The following PARG variants were observed in gnomAD, a reference collection of about 807,000 sequenced individuals.
PARG encodes the protein poly(ADP-ribose) glycohydrolase.
PARG carries 35 observed loss-of-function variants against 113.0 expected under a neutral mutation model. The observed-to-expected ratio is 0.31, with a 90% CI of 0.24 to 0.41. The LOEUF is 0.41. Among genes scored for constraint, PARG ranks in the 10% least tolerant of loss-of-function variants. PARG has a pLI of 1.00. For synonymous variants in PARG, 330 were observed against 409.9 expected (o/e 0.81, Z 2.36); for missense variants, 797 against 1,169.4 (o/e 0.68, Z 4.64).
intron 7 of PARG, among the ~76,000 whole-genome samples, chr10:49,892,243 T>C (rs2132692051): frequency 6.6e-6 from 1 of 152,234 alleles, no homozygotes; most frequent in East Asian, 1.9e-4. Context: ...TTTTAAAATG[T>C]CATGTATTTT....
chr10:49,868,212 C>A (rs1338397673), intron 10 of PARG, among the ~76,000 whole-genome samples: 2 of 152,198 alleles, frequency 1.3e-5, no homozygotes, highest in Admixed American at 6.5e-5. Flanking sequence ...TGGTCTGGAA[C>A]TCCTGACCTC....
chr10:49,853,101 T>A lies in PARG; in HGVS notation c.2353+4205A>T, dbSNP rs200469925. Among the ~76,000 whole-genome samples the A allele has an allele frequency of 1.5e-4, 23 of 149,418 alleles. 1 individual carries two copies. In the East Asian group the frequency reaches 4.6e-3, roughly 30 times the overall value. Reference sequence around the variant, plus strand: ...CAGGCTGGAGCACAGTGGTGTGATCTCGGCTCACTGCAAGCTCCGCCTCCT... The same window carrying A: ...CAGGCTGGAGCACAGTGGTGTGATCACGGCTCACTGCAAGCTCCGCCTCCT... On this transcript the variant is annotated intron_variant, in intron 13 of 17. Transcript: ENST00000616448.
chr10:49,839,509 T>C (rs142751936), intron 15 of PARG, among the ~76,000 whole-genome samples: 1 of 152,220 alleles, frequency 6.6e-6, no homozygotes, highest in Non-Finnish European at 1.5e-5. Context: ...ATTAAGACTC[T>C]ATATTCTATA....
intron 4 of PARG, among the ~76,000 whole-genome samples, chr10:49,925,291 A>G (rs1300555788): frequency 1.3e-5 from 2 of 152,182 alleles, no homozygotes; most frequent in East Asian, 1.9e-4. Context: ...CCTGTTACCT[A>G]CAAGCATCAA....
At chr10:49,923,815 G>T (rs564790673) in intron 4 of PARG, among the ~76,000 whole-genome samples, 1 of 152,066 alleles carries the variant, frequency 6.6e-6, no homozygotes, top group African/African-American at 2.4e-5. Flanking sequence ...CACTCAACTG[G>T]TAAGGGAAGA....
intron 7 of PARG, among the ~76,000 whole-genome samples, chr10:49,900,827 C>T (rs182999981): frequency 0.069 from 10,494 of 151,210 alleles, 506 homozygotes; most frequent in African/African-American, 0.12. Context: ...GTAAACACCA[C>T]CAAACCACAT....
At chr10:49,857,000 C>A (rs61846913) in intron 13 of PARG, among the ~76,000 whole-genome samples, 34,715 of 133,850 alleles carry the variant, frequency 0.26, 4,759 homozygotes, top group Non-Finnish European at 0.31. Context: ...CAACAGCAAA[C>A]CTCTGTCTCA....
At chr10:49,869,946 G>A (rs1424289457) in intron 9 of PARG, among the ~76,000 whole-genome samples, 17 of 151,896 alleles carry the variant, frequency 1.1e-4, no homozygotes, top group African/African-American at 3.9e-4. Flanking sequence ...TAACAAAAAC[G>A]GTATCAAAAA....
intron 7 of PARG, among the ~76,000 whole-genome samples, chr10:49,906,773 G>A (rs1848611512): frequency 6.6e-6 from 1 of 152,208 alleles, no homozygotes; most frequent in Admixed American, 6.5e-5. Context: ...AGATGATCCA[G>A]CAAACACAAA....
chr10:49,893,899 A>T (rs567629155), intron 7 of PARG, among the ~76,000 whole-genome samples: 111 of 151,792 alleles, frequency 7.3e-4, no homozygotes, highest in African/African-American at 2.7e-3. Flanking sequence ...GGGGTTTCAC[A>T]GTGTTAGCCA....
intron 4 of PARG, among the ~76,000 whole-genome samples, chr10:49,927,378 GAAAGAAA>G (rs1564664886): frequency 4.7e-4 from 20 of 42,738 alleles, no homozygotes; most frequent in African/African-American, 8.6e-4. Context: ...AGGAAAGAAA[GAAAGAAA>G]GAAAGAAAGA....
chr10:49,894,972 A>G (rs575884833), intron 7 of PARG, among the ~76,000 whole-genome samples: 8 of 152,218 alleles, frequency 5.3e-5, no homozygotes, highest in African/African-American at 1.9e-4. Flanking sequence ...ATGCAGATAC[A>G]TCAGTCCAAT....
intron 6 of PARG, among the ~76,000 whole-genome samples, chr10:49,919,595 G>T (rs1474863045): frequency 2.6e-5 from 4 of 152,092 alleles, no homozygotes; most frequent in African/African-American, 9.7e-5. Flanking sequence ...AAGGCAGGTG[G>T]ATCACTTGAG....
chr10:49,893,409 G>T (rs1159452274), intron 7 of PARG, among the ~76,000 whole-genome samples: 1 of 152,104 alleles, frequency 6.6e-6, no homozygotes, highest in African/African-American at 2.4e-5. Flanking sequence ...TTCTAGCGAG[G>T]TTGGCTGTCT....
chr10:49,835,351 C>T (rs993366803), intron 15 of PARG, among the ~76,000 whole-genome samples: 1 of 151,990 alleles, frequency 6.6e-6, no homozygotes, highest in Non-Finnish European at 1.5e-5. Context: ...TGACAGTCTG[C>T]AATGACAGAG....
intron 7 of PARG, among the ~76,000 whole-genome samples, chr10:49,908,296 A>C (rs1424164753): frequency 1.3e-5 from 2 of 152,204 alleles, no homozygotes; most frequent in Admixed American, 6.5e-5. Flanking sequence ...TCCCAATTCA[A>C]AAGCACTCAT....
intron 7 of PARG, among the ~76,000 whole-genome samples, chr10:49,912,551 T>C (rs1484870430): frequency 6.6e-6 from 1 of 152,036 alleles, no homozygotes; most frequent in Non-Finnish European, 1.5e-5. Context: ...TAGTCCTAGC[T>C]ACTCGGGAAG....
intron 15 of PARG, among the ~76,000 whole-genome samples, chr10:49,834,322 A>C (rs1417251755): frequency 6.6e-6 from 1 of 152,210 alleles, no homozygotes; most frequent in Middle Eastern, 3.2e-3. Context: ...TAGAGAGAAG[A>C]AGGCTTCCTC....
intron 8 of PARG, among the ~76,000 whole-genome samples, chr10:49,881,905 C>T (rs1847235432): frequency 1.3e-5 from 2 of 152,174 alleles, no homozygotes; most frequent in Admixed American, 6.5e-5. Context: ...CCATCCCGTG[C>T]ATTTGTTCAC....
Sources: gnomAD v4.1 joint callset for allele counts (sites outside exome capture counted in the v4.1 genomes callset) on GRCh38, gnomAD v4.1.1 for gene constraint, MANE v1.5 for transcripts, NCBI Gene and HGNC (gene_info 2026-07-23, HGNC 2026-07-21) for gene names.